The following SCAF11 variants were observed in gnomAD, a reference collection of about 807,000 sequenced individuals.
The protein encoded by SCAF11 is SR-related CTD associated factor 11.
In SCAF11, 47 loss-of-function variants were observed where a neutral mutation model predicts 140.5. That is an observed-to-expected ratio of 0.33 (90% CI 0.26 to 0.43). The LOEUF is 0.43. Among genes scored for constraint, SCAF11 ranks in the 20% least tolerant of loss-of-function variants. The pLI, the probability that SCAF11 is intolerant of heterozygous loss-of-function variation, is 1.00. For missense variants in SCAF11, 1,645 were observed against 1,705.1 expected (o/e 0.96, Z 0.62); for synonymous variants, 557 against 579.4 (o/e 0.96, Z 0.55).
At chr12:45,944,980 C>A in intron 6 of SCAF11, 1 of 414,202 alleles carries the variant, frequency 2.4e-6, no homozygotes, top group South Asian at 3.3e-5. Context: ...ACAGTATGAG[C>A]TGGTCAACAC....
intron 3 of SCAF11, among the ~76,000 whole-genome samples, chr12:45,958,424 G>A (rs1032253137): frequency 6.6e-6 from 1 of 152,128 alleles, no homozygotes; most frequent in Non-Finnish European, 1.5e-5. Context: ...CTGAATAGAT[G>A]ATAAGCTTTA....
chr12:45,928,754 A>G lies in SCAF11; in HGVS notation c.947T>C (p.Met316Thr). 1.2e-6 allele frequency: 2 copies of G among 1,613,890 alleles called. No homozygotes were observed. The highest frequency in any genetic ancestry group is 1.7e-6 in the Non-Finnish European group (2 of 1,179,986). The change falls in exon 11 of 15, where the codon ATG becomes ACG. Residue 316 changes from methionine (M) to threonine (T), a missense_variant. Met to Thr is a moderately conservative substitution (Grantham distance 81). Around this residue, in one of 2 missense-constraint regions of SCAF11, gnomAD observed 1,582 missense variants for 1,609.2 expected, o/e 0.98. Coordinates refer to ENST00000369367, the MANE Select transcript of SCAF11 (RefSeq NM_004719.3). Reference sequence around the variant, plus strand: ...TGTAGACCTCCTTGTAGGAGTTGTCATTGCAGGTTTTCGTCTTGATCCTCT... The same window carrying G: ...TGTAGACCTCCTTGTAGGAGTTGTCGTTGCAGGTTTTCGTCTTGATCCTCT... The part of the protein sequence containing the change: ...NTRGSRRKPA[M>T]TTPTRRSTRN...
intron 11 of SCAF11, among the ~76,000 whole-genome samples, chr12:45,925,736 C>A (rs1592163631): frequency 6.6e-6 from 1 of 150,540 alleles, no homozygotes; most frequent in Non-Finnish European, 1.5e-5. Flanking sequence ...ATGTTCTTAA[C>A]AAGAAAAAAA....
Position 45,927,808 on chromosome 12 carries a change from C to T in SCAF11, c.1893G>A (p.Glu631=). 1 of 1,613,818 alleles carries T rather than the reference C, an allele frequency of 6.2e-7. No individual in the cohort carries two copies. The change falls in exon 11 of 15, where the codon GAG becomes GAA. Residue 631 remains glutamate (E), a synonymous_variant. Transcript: ENST00000369367. ...TVDRQSVKSP[E]VQLLGHVETE... is the part of the protein sequence containing the mutation. ...TTTCAACATGCCCAAGCAATTGAACCTCTGGGCTCTTAACAGATTGTCTGT... is the reference window on the plus strand; with the variant it reads ...TTTCAACATGCCCAAGCAATTGAACTTCTGGGCTCTTAACAGATTGTCTGT...
chr12:45,940,335 A>G (rs1219812785), intron 6 of SCAF11, among the ~76,000 whole-genome samples: 1 of 152,222 alleles, frequency 6.6e-6, no homozygotes, highest in Non-Finnish European at 1.5e-5. Flanking sequence ...ATTATTTTTG[A>G]GCTCAAAAGT....
At chr12:45,961,095 T>C in intron 3 of SCAF11, 1 of 492,606 alleles carries the variant, frequency 2.0e-6, no homozygotes, top group Non-Finnish European at 3.7e-6. Flanking sequence ...ATGACGGTAA[T>C]ATCTCTAATT....
intron 12 of SCAF11, among the ~76,000 whole-genome samples, chr12:45,923,425 G>C (rs1203791845): frequency 6.6e-6 from 1 of 152,042 alleles, no homozygotes; most frequent in African/African-American, 2.4e-5. Context: ...ACAAGGAGGA[G>C]AATAGCATTT....
At chr12:45,964,955 G>C (rs1945910097) in intron 1 of SCAF11, among the ~76,000 whole-genome samples, 1 of 151,732 alleles carries the variant, frequency 6.6e-6, no homozygotes, top group Non-Finnish European at 1.5e-5. Flanking sequence ...GTCTACTAAG[G>C]AGACAGTTGT....
At chr12:45,991,876 G>A (rs1408568235), upstream of SCAF11, 1 of 1,282,742 alleles carries the variant, frequency 7.8e-7, no homozygotes. Context: ...CTCCCCGCGC[G>A]CGGCTCACCC....
At chr12:45,975,052 T>C (rs1467185148) in intron 1 of SCAF11, 1 of 152,188 alleles carries the variant, frequency 6.6e-6, no homozygotes, top group Non-Finnish European at 1.5e-5. Context: ...AATAAGTAAG[T>C]ACTATGTTGA....
chr12:45,990,896 C>G (rs1169078947), upstream of SCAF11, among the ~76,000 whole-genome samples: 2 of 152,256 alleles, frequency 1.3e-5, no homozygotes, highest in African/African-American at 2.4e-5. Flanking sequence ...CCTTCGCCCA[C>G]ACTGCGGATG....
chr12:45,927,466 A>G lies in SCAF11; in HGVS notation c.2235T>C (p.Asn745=), dbSNP rs749357154. 1 of 1,613,458 alleles carries G rather than the reference A, an allele frequency of 6.2e-7. No individual in the cohort carries two copies. The highest frequency in any genetic ancestry group is 1.3e-5 in the African/African-American group (1 of 74,968). ...PSVNADLKQM[N]ENSVTHCSEN... ...CAGAACAGTGTGTCACAGAATTTTCATTCATTTGTTTAAGATCAGCATTTA... is the reference window on the plus strand; with the variant it reads ...CAGAACAGTGTGTCACAGAATTTTCGTTCATTTGTTTAAGATCAGCATTTA... Residue 745 remains asparagine, a synonymous_variant, in exon 11 of 15, where the codon AAT becomes AAC. Coordinates refer to ENST00000369367, the MANE Select transcript of SCAF11 (RefSeq NM_004719.3).
At chr12:45,972,971 GATAT>G (rs1177215954) in intron 1 of SCAF11, among the ~76,000 whole-genome samples, 1 of 124,038 alleles carries the variant, frequency 8.1e-6, no homozygotes, top group African/African-American at 3.5e-5. Flanking sequence ...TATATATATA[GATAT>G]ATAGATATAT....
At chr12:45,991,432 C>T (rs1353530748), upstream of SCAF11, among the ~76,000 whole-genome samples, 2 of 152,098 alleles carry the variant, frequency 1.3e-5, no homozygotes, top group African/African-American at 2.4e-5. Context: ...CGTGGTGGCG[C>T]GCACCTGCGG....
chr12:45,991,006 A>G (rs1387155138), upstream of SCAF11, among the ~76,000 whole-genome samples: 1 of 152,246 alleles, frequency 6.6e-6, no homozygotes, highest in Non-Finnish European at 1.5e-5. Context: ...AGGGAACTGG[A>G]CAGGAAGGAT....
At position 45,961,925 on chromosome 12, in the gene SCAF11, TATAGTGG is replaced by T. The variant is rs1945843536; in HGVS notation, c.62-75_62-69del. 2.3e-6 allele frequency: 3 copies of T among 1,321,426 alleles called. No individual in the cohort carries two copies. In the Admixed American group the frequency reaches 7.0e-5, roughly 31 times the overall value. 81.9% of individuals were successfully genotyped at this position (1,321,426 alleles called of 1,614,324 possible). A position where few individuals can be genotyped will look rare whatever the true frequency, so the allele number is the denominator to read the frequency against. ...ACCAAAAATCTTGTGTTTCTAGGAG[TATAGTGG>T]ATTAGATACTCTAAAGGACCCTCCT... is the stretch of plus-strand genomic sequence containing the variant. On this transcript the variant is annotated intron_variant, in intron 2 of 14. Transcript: ENST00000369367.
At position 45,921,969 on chromosome 12, in the gene SCAF11, T is replaced by C; in HGVS notation, c.*79A>G. ...AAACCAAATTTCAATCACAGTTATG[T>C]ATGATTTTCAGTTAATGGTACATGT... On this transcript the variant is annotated 3_prime_UTR_variant, in exon 15 of 15. Transcript: ENST00000369367. 6.8e-7 allele frequency: 1 copy of C among 1,460,516 alleles called. No homozygotes were observed. Among genetic ancestry groups the C allele is most frequent in the Non-Finnish European group, 9.2e-7 (1 of 1,083,430 alleles). The allele number at this position is 1,460,516 out of a possible 1,614,324, so 90.5% of individuals were successfully genotyped here. A position where few individuals can be genotyped will look rare whatever the true frequency, so the allele number is the denominator to read the frequency against.
rs1945044674 is a variant in SCAF11, at chr12:45,931,526, G to GTAC, written c.818_820dup (p.Ser273dup). ...TTTACCAAAATGTTCGAAAGATATG[G>GTAC]TACTTGTTGGAAAAATAGTTCTTGG... On this transcript the variant is annotated inframe_insertion, in exon 10 of 15. Coordinates refer to ENST00000369367, the MANE Select transcript of SCAF11 (RefSeq NM_004719.3). 1 of 1,482,222 alleles carries GTAC rather than the reference G, an allele frequency of 6.7e-7. No homozygotes were observed. The allele number at this position is 1,482,222 out of a possible 1,614,324, so 91.8% of individuals were successfully genotyped here.
chr12:45,949,164 C>A (rs987881359), intron 4 of SCAF11, among the ~76,000 whole-genome samples: 3 of 152,052 alleles, frequency 2.0e-5, no homozygotes, highest in Non-Finnish European at 2.9e-5. Flanking sequence ...ACTATAAAAA[C>A]CAGGCTCTTA....
Sources: gnomAD v4.1 joint callset for allele counts (sites outside exome capture counted in the v4.1 genomes callset) on GRCh38, gnomAD v4.1.1 for gene constraint, gnomAD v4.1.1 regional missense constraint, MANE v1.5 for transcripts, NCBI Gene and HGNC (gene_info 2026-07-23, HGNC 2026-07-21) for gene names.